The following RAB3IL1 variants were observed in gnomAD, a reference collection of about 807,000 sequenced individuals.
The protein encoded by RAB3IL1 is RAB3A interacting protein like 1, also known as guanine nucleotide exchange factor for Rab-3A.
Under a neutral mutation model 49.2 loss-of-function variants are expected in RAB3IL1, and 37 were observed. The ratio of observed to expected loss-of-function variants is 0.75; its 90% CI spans 0.58 to 0.99. RAB3IL1 has a LOEUF of 0.99. Ranked by LOEUF, RAB3IL1 falls within the 50% of genes least tolerant of loss-of-function variation. The pLI is 0.00. For synonymous variants in RAB3IL1, 193 were observed against 213.9 expected, an observed-to-expected ratio of 0.90 and a Z score of 0.85; for missense variants, 484 against 513.0, an observed-to-expected ratio of 0.94 and a Z score of 0.55.
upstream of RAB3IL1, among the ~76,000 whole-genome samples, chr11:61,921,553 T>A (rs572944461): frequency 6.6e-6 from 1 of 152,182 alleles, no homozygotes; most frequent in South Asian, 2.1e-4. Flanking sequence ...TTTTTTCCTC[T>A]GCAGGCACCA....
At position 61,906,808 on chromosome 11, in the gene RAB3IL1, G is replaced by GC; in HGVS notation, c.439-125dup. 1 of 918,234 alleles carries GC rather than the reference G, an allele frequency of 1.1e-6. No individual in the cohort carries two copies. Among genetic ancestry groups the GC allele is most frequent in the South Asian group, 1.4e-5 (1 of 71,018 alleles). 56.9% of individuals were successfully genotyped at this position (918,234 alleles called of 1,614,324 possible). On this transcript the variant is annotated intron_variant, in intron 4 of 9. Transcript: ENST00000394836. This position sits in a 1 kb window ranked among gnomAD's most constrained non-coding sequence, Gnocchi z 4.6. The stretch of plus-strand genomic sequence containing the variant: ...TGACAGGCACTTAGTCCCACCCGAC[G>GC]CCCTCAGAACAGCCTTCGAGGCAGA...
In RAB3IL1 at chr11:61,904,532, G is replaced by A. The variant is rs746226544; in HGVS notation, c.899+14C>T. The A allele has an allele frequency of 6.3e-7, 1 of 1,594,490 alleles. No homozygotes were observed. The highest frequency in any genetic ancestry group is 8.6e-7 in the Non-Finnish European group (1 of 1,168,800). ...TCCCACATGGGCAGGAAGGAGCTAA[G>A]ACCCTCAGCTTACTTGGTGCTGCTA... is the stretch of plus-strand genomic sequence containing the variant. On this transcript the variant is annotated intron_variant, in intron 7 of 9. Transcript: ENST00000394836.
At chr11:61,931,342 C>T in the RAB3IL1 span, among the ~76,000 whole-genome samples, 3 of 152,222 alleles carry the variant, frequency 2.0e-5, no homozygotes, top group Non-Finnish European at 4.4e-5. Flanking sequence ...TGGCAACTCA[C>T]TCAGTCACCA....
At chr11:61,924,150 G>A (rs144652142), upstream of RAB3IL1, among the ~76,000 whole-genome samples, 171 of 152,336 alleles carry the variant, frequency 1.1e-3, no homozygotes, top group African/African-American at 3.9e-3. Flanking sequence ...AGGGAGGGCA[G>A]TTGGGGTCCA....
At chr11:61,920,052 C>A, upstream of RAB3IL1, 4 of 1,269,430 alleles carry the variant, frequency 3.2e-6, no homozygotes, top group Non-Finnish European at 4.0e-6. Flanking sequence ...TGTCTGTGCC[C>A]CAGGGCTCTT....
rs1938733942 is a variant in RAB3IL1, at chr11:61,898,633, G to A, written c.1067-273C>T. On this transcript the variant is annotated intron_variant, in intron 9 of 9. Transcript: ENST00000394836. This position sits in a 1 kb window ranked among gnomAD's most constrained non-coding sequence, Gnocchi z 5.1. ...GCCCGACGCAGACAAGCAGGTACAC[G>A]CTGTCACATGCCACAGCGGTGGTCC... Among the ~76,000 whole-genome samples the A allele has an allele frequency of 6.6e-6, 1 of 152,222 alleles. No homozygotes were observed. Among genetic ancestry groups the A allele is most frequent in the Non-Finnish European group, 1.5e-5 (1 of 68,042 alleles).
At chr11:61,946,023 G>T in the RAB3IL1 span, among the ~76,000 whole-genome samples, 1 of 152,150 alleles carries the variant, frequency 6.6e-6, no homozygotes, top group South Asian at 2.1e-4. Flanking sequence ...TCAGGGATCA[G>T]GGCTGCCTGA....
At chr11:61,938,325 G>A in the RAB3IL1 span, among the ~76,000 whole-genome samples, 2 of 152,080 alleles carry the variant, frequency 1.3e-5, no homozygotes, top group South Asian at 2.1e-4. Context: ...GGATCCCTTC[G>A]GCCCAGGAGT....
the RAB3IL1 span, among the ~76,000 whole-genome samples, chr11:61,937,614 T>A: frequency 6.6e-6 from 1 of 150,382 alleles, no homozygotes; most frequent in Non-Finnish European, 1.5e-5. Flanking sequence ...TTGTTCAATA[T>A]CCAAGACAAC....
At chr11:61,939,221 A>G in the RAB3IL1 span, among the ~76,000 whole-genome samples, 1 of 152,188 alleles carries the variant, frequency 6.6e-6, no homozygotes, top group Non-Finnish European at 1.5e-5. Context: ...TAGAAATAAC[A>G]GAATTAAAAG....
In RAB3IL1 at chr11:61,902,661, C is replaced by A. The variant is rs971871809; in HGVS notation, c.900-120G>T. The A allele has an allele frequency of 4.5e-6, 4 of 894,154 alleles. No homozygotes were observed. The South Asian group carries it at 6.4e-5, about 14-fold the overall frequency. 55.4% of individuals were successfully genotyped at this position (894,154 alleles called of 1,614,324 possible). On this transcript the variant is annotated intron_variant, in intron 7 of 9. Transcript: ENST00000394836. ...CATGGGGAGGGGCAGGCCTCCCTTC[C>A]CCCACCCGGCTTCCAAAGGAACCCA...
the RAB3IL1 span, among the ~76,000 whole-genome samples, chr11:61,930,527 C>T: frequency 1.3e-5 from 2 of 152,146 alleles, no homozygotes; most frequent in African/African-American, 2.4e-5. Context: ...GCATGTAATC[C>T]CAGCACTTTG....
At chr11:61,920,013 C>T, upstream of RAB3IL1, 2 of 1,236,522 alleles carry the variant, frequency 1.6e-6, no homozygotes, top group Non-Finnish European at 2.0e-6. Flanking sequence ...ACTCCCCCTC[C>T]CCTCCATGCC....
At chr11:61,923,225 GA>G (rs996716351), upstream of RAB3IL1, among the ~76,000 whole-genome samples, 4 of 152,248 alleles carry the variant, frequency 2.6e-5, no homozygotes, top group African/African-American at 9.6e-5. Context: ...GGCAGAGCCA[GA>G]AAAGGCCCGA....
upstream of RAB3IL1, chr11:61,920,178 C>T (rs2134373798): frequency 1.5e-6 from 2 of 1,295,842 alleles, no homozygotes; most frequent in South Asian, 2.4e-5. Flanking sequence ...CAGCGTGCTC[C>T]TCAGAAGAGT....
At chr11:61,917,979 G>T (rs183120178), upstream of RAB3IL1, among the ~76,000 whole-genome samples, 246 of 152,236 alleles carry the variant, frequency 1.6e-3, 1 homozygote, top group African/African-American at 5.6e-3. Context: ...AAGGGGAGGG[G>T]ACAAACCCGA....
intron 1 of RAB3IL1, among the ~76,000 whole-genome samples, chr11:61,908,791 A>C (rs930094733): frequency 3.3e-5 from 5 of 152,180 alleles, no homozygotes; most frequent in African/African-American, 1.2e-4. Flanking sequence ...TGCCCCTTTC[A>C]GGGTGGACCA....
chr11:61,937,478 T>G, the RAB3IL1 span, among the ~76,000 whole-genome samples: 1 of 151,422 alleles, frequency 6.6e-6, no homozygotes, highest in Non-Finnish European at 1.5e-5. Context: ...GCTAATTTGG[T>G]GGGGGGGTGG....
At chr11:61,932,008 T>C in the RAB3IL1 span, among the ~76,000 whole-genome samples, 1 of 152,014 alleles carries the variant, frequency 6.6e-6, no homozygotes, top group South Asian at 2.1e-4. Flanking sequence ...TCCAAGCACT[T>C]TGGGAGGCTG....
Sources: allele counts gnomAD v4.1 joint callset (sites outside exome capture counted in the v4.1 genomes callset), GRCh38; gene constraint gnomAD v4.1.1; non-coding constraint Gnocchi (gnomAD v3.1); transcripts MANE v1.5; gene names NCBI Gene and HGNC (gene_info 2026-07-23, HGNC 2026-07-21).